RSPH14: variants seen among roughly 807,000 people sequenced by gnomAD.
RSPH14 encodes rhabdoid tumor deletion region gene 1.
A neutral mutation model predicts 26.7 loss-of-function variants in RSPH14; 20 were observed. The observed-to-expected ratio is 0.75, with a 90% CI of 0.53 to 1.09. The LOEUF (loss-of-function observed/expected upper bound fraction) is 1.09. Among genes scored for constraint, RSPH14 ranks in the 50% least tolerant of loss-of-function variants. The pLI is 0.00. For synonymous variants in RSPH14, 177 were observed against 189.3 expected (o/e 0.93, Z 0.53); for missense variants, 449 against 457.2 (o/e 0.98, Z 0.16).
the RSPH14 span, among the ~76,000 whole-genome samples, chr22:23,168,698 C>A: frequency 2.6e-5 from 4 of 152,182 alleles, no homozygotes; most frequent in African/African-American, 9.7e-5. Context: ...CCCTTCCTGG[C>A]CTCCTCCCCT....
intron 4 of RSPH14, among the ~76,000 whole-genome samples, chr22:23,081,727 C>A (rs929592231): frequency 1.4e-4 from 20 of 146,696 alleles, no homozygotes; most frequent in Non-Finnish European, 2.2e-4. Context: ...GAGGCTGAGG[C>A]AGGAGAATCA....
chr22:23,146,592 G>A, upstream of RSPH14: 1 of 1,612,938 alleles, frequency 6.2e-7, no homozygotes, highest in Non-Finnish European at 8.5e-7. Flanking sequence ...CTTTCTCCTG[G>A]TTGGGTCCAC....
chr22:23,128,201 T>C (rs1469179077), intron 4 of RSPH14, among the ~76,000 whole-genome samples: 1 of 152,210 alleles, frequency 6.6e-6, no homozygotes, highest in Non-Finnish European at 1.5e-5. Flanking sequence ...AGAAGAATTG[T>C]CAATTTCAGC....
chr22:23,145,923 GC>G, upstream of RSPH14: 2 of 958,442 alleles, frequency 2.1e-6, no homozygotes. Context: ...GAAAGTTAAG[GC>G]CCCCAGGCCC....
At chr22:23,074,094 G>A (rs1601746426) in intron 4 of RSPH14, among the ~76,000 whole-genome samples, 1 of 152,206 alleles carries the variant, frequency 6.6e-6, no homozygotes, top group East Asian at 1.9e-4. Context: ...TGGGGTGTCA[G>A]GGCCAGGTCC....
the RSPH14 span, chr22:23,156,140 T>A: frequency 3.7e-5 from 35 of 955,862 alleles, no homozygotes; most frequent in Admixed American, 6.2e-4. Context: ...TTTTTTGTCC[T>A]CCAAGACCCA....
intron 4 of RSPH14, among the ~76,000 whole-genome samples, chr22:23,114,033 G>A (rs1011465741): frequency 3.9e-5 from 6 of 152,180 alleles, no homozygotes; most frequent in Admixed American, 6.5e-5. Flanking sequence ...AGGCTTGGCC[G>A]GTACTTTGTG....
intron 6 of RSPH14, among the ~76,000 whole-genome samples, chr22:23,059,927 C>T (rs768013596): frequency 3.9e-5 from 6 of 152,242 alleles, no homozygotes; most frequent in South Asian, 2.1e-4. Context: ...CCTGCCTTTC[C>T]GGCCTCAACT....
the RSPH14 span, chr22:23,164,421 C>G: frequency 2.6e-5 from 4 of 152,326 alleles, no homozygotes; most frequent in Admixed American, 6.5e-5. Flanking sequence ...TGATATTTGG[C>G]CTGGGAGGAC....
intron 4 of RSPH14, among the ~76,000 whole-genome samples, chr22:23,107,556 G>A (rs1049476987): frequency 1.3e-5 from 2 of 152,166 alleles, no homozygotes; most frequent in Non-Finnish European, 2.9e-5. Context: ...GGCAAGTCCT[G>A]TGAACTGGGG....
At position 23,140,455 on chromosome 22, in the gene RSPH14, C is replaced by T. The variant is rs368259933; in HGVS notation, c.-35G>A. On this transcript the variant is annotated 5_prime_UTR_variant, in exon 2 of 7. Coordinates refer to ENST00000216036, the MANE Select transcript of RSPH14 (RefSeq NM_014433.3). ...ACTACAGAGGCCTTTCCAAATGAAG[C>T]TCTGCAGAAACCACTCACTAAAAGA... 6.2e-7 allele frequency: 1 copy of T among 1,609,386 alleles called. No homozygotes were observed. Among genetic ancestry groups the T allele is most frequent in the South Asian group, 1.1e-5 (1 of 90,284 alleles).
At chr22:23,139,873 C>A (rs960253387) in intron 2 of RSPH14, among the ~76,000 whole-genome samples, 2 of 152,072 alleles carry the variant, frequency 1.3e-5, no homozygotes, top group African/African-American at 4.8e-5. Flanking sequence ...ACAGCCTGGG[C>A]AACACAGCAA....
chr22:23,115,147 G>C (rs765675417), intron 4 of RSPH14, among the ~76,000 whole-genome samples: 2 of 152,196 alleles, frequency 1.3e-5, no homozygotes, highest in South Asian at 2.1e-4. Flanking sequence ...TGGAGAGTGA[G>C]TGGACAGGGA....
chr22:23,061,470 C>T (rs921736593), intron 6 of RSPH14, among the ~76,000 whole-genome samples: 2 of 152,146 alleles, frequency 1.3e-5, no homozygotes, highest in Non-Finnish European at 2.9e-5. Flanking sequence ...CTCAGGGTAA[C>T]AGAATCATGG....
upstream of RSPH14, chr22:23,146,048 C>G (rs2070752534): frequency 1.0e-6 from 1 of 981,286 alleles, no homozygotes; most frequent in African/African-American, 1.8e-5. Context: ...CAGAGGGGAG[C>G]TCCTCCTTGG....
At chr22:23,160,995 A>C in the RSPH14 span, 64 of 1,609,786 alleles carry the variant, frequency 4.0e-5, 2 homozygotes, top group South Asian at 6.1e-4. Context: ...TGGAGACCTA[A>C]TCCGTGAGTA....
At chr22:23,143,734 T>C (rs1026966878), upstream of RSPH14, among the ~76,000 whole-genome samples, 36 of 152,324 alleles carry the variant, frequency 2.4e-4, no homozygotes, top group African/African-American at 7.5e-4. Context: ...TGCTTTTCTC[T>C]TGCTAATCTG....
intron 4 of RSPH14, among the ~76,000 whole-genome samples, chr22:23,116,461 C>T (rs543154547): frequency 2.6e-5 from 4 of 152,320 alleles, no homozygotes; most frequent in South Asian, 2.1e-4. Flanking sequence ...CCCTCCCACC[C>T]GGCCCAGTCC....
intron 4 of RSPH14, among the ~76,000 whole-genome samples, chr22:23,092,745 A>C (rs2069018440): frequency 1.3e-5 from 2 of 152,220 alleles, no homozygotes; most frequent in Non-Finnish European, 2.9e-5. Flanking sequence ...CCTTGGAGCC[A>C]GGGAGCACAT....
Sources: gnomAD v4.1 joint callset for allele counts (sites outside exome capture counted in the v4.1 genomes callset) on GRCh38, gnomAD v4.1.1 for gene constraint, MANE v1.5 for transcripts, NCBI Gene and HGNC (gene_info 2026-07-23, HGNC 2026-07-21) for gene names.